The following MOB1B variants were observed in gnomAD, a reference collection of about 807,000 sequenced individuals.
MOB1B encodes MOB kinase activator 1B.
A neutral mutation model predicts 24.4 loss-of-function variants in MOB1B; 19 were observed. The ratio of observed to expected loss-of-function variants is 0.78; its 90% CI spans 0.54 to 1.14. The LOEUF (loss-of-function observed/expected upper bound fraction) is 1.14, where lower values mean the gene tolerates loss of function less well. Among genes scored for constraint, MOB1B ranks in the 50% most tolerant of loss-of-function variants. MOB1B has a pLI of 0.00. For missense variants in MOB1B, 243 were observed against 259.6 expected (o/e 0.94, Z 0.44); for synonymous variants, 76 against 82.1 (o/e 0.93, Z 0.40).
intron 1 of MOB1B, among the ~76,000 whole-genome samples, chr4:70,920,306 A>G (rs1005500569): frequency 5.3e-5 from 8 of 151,540 alleles, no homozygotes; most frequent in African/African-American, 1.9e-4. Flanking sequence ...CGCTCACTGC[A>G]CCTCTGCCTC....
intron 5 of MOB1B, among the ~76,000 whole-genome samples, chr4:70,980,794 C>A (rs1739182249): frequency 6.6e-6 from 1 of 152,102 alleles, no homozygotes; most frequent in African/African-American, 2.4e-5. Flanking sequence ...GAGGGCGGGT[C>A]CCGTCTCTGA....
rs192335628 is a variant in MOB1B at position 70,935,636 on chromosome 4, T to G, written c.15-23238T>G. Among the ~76,000 whole-genome samples the G allele has an allele frequency of 5.3e-5, 8 of 152,170 alleles. No homozygotes were observed. In the East Asian group the frequency reaches 1.5e-3, roughly 29 times the overall value. ...ATTTTCCTTTTCTCTCACTTTAGTC[T>G]TTGCTAAGTTAACCATTATACTCTT... On this transcript the variant is annotated intron_variant, in intron 1 of 5. Transcript: ENST00000309395.
chr4:70,968,717 C>T (rs540612873), intron 2 of MOB1B, among the ~76,000 whole-genome samples: 6 of 152,296 alleles, frequency 3.9e-5, no homozygotes, highest in Non-Finnish European at 7.4e-5. Flanking sequence ...TGGGGTCAAG[C>T]AGTTCTCCTG....
chr4:70,938,309 T>G (rs796071077), intron 1 of MOB1B, among the ~76,000 whole-genome samples: 1 of 48,996 alleles, frequency 2.0e-5, no homozygotes, highest in African/African-American at 9.2e-5. Context: ...TGGTCAGATT[T>G]GCCGCCCCCG....
At chr4:70,916,568 G>C (rs1443519978) in intron 1 of MOB1B, among the ~76,000 whole-genome samples, 1 of 152,026 alleles carries the variant, frequency 6.6e-6, no homozygotes, top group Non-Finnish European at 1.5e-5. Flanking sequence ...CCCTGCCACT[G>C]AATATCTTTT....
chr4:70,955,464 C>CTTTT (rs36054184), intron 1 of MOB1B, among the ~76,000 whole-genome samples: 5 of 89,322 alleles, frequency 5.6e-5, no homozygotes, highest in East Asian at 3.1e-4. Flanking sequence ...AGTATGTGTC[C>CTTTT]TTTTTTTTTT....
chr4:70,928,415 C>T lies in MOB1B; in HGVS notation c.14+25865C>T, dbSNP rs566237731. On this transcript the variant is annotated intron_variant, in intron 1 of 5. Transcript: ENST00000309395. ...GGTTCAAGCGATTCTCCTGCTTCAG[C>T]CTCTTGAGTAGCTGGGATTACAGGC... Among the ~76,000 whole-genome samples, 35 of 151,928 alleles carry T rather than the reference C, an allele frequency of 2.3e-4. 1 individual carries two copies. In the Middle Eastern group the frequency reaches 0.014, roughly 59 times the overall value.
chr4:70,965,296 CAAAAAAA>C (rs1175536577), intron 2 of MOB1B, among the ~76,000 whole-genome samples: 2 of 36,218 alleles, frequency 5.5e-5, no homozygotes, highest in African/African-American at 8.6e-5. Flanking sequence ...GACTTCATCT[CAAAAAAA>C]AAAAAAAAAA....
rs140303472 is a variant in MOB1B at position 70,941,671 on chromosome 4, G to T, written c.15-17203G>T. On this transcript the variant is annotated intron_variant, in intron 1 of 5. Coordinates refer to ENST00000309395, the MANE Select transcript of MOB1B (RefSeq NM_173468.4). Reference sequence around the variant, plus strand: ...ATTTCTTCCTTCTTTCCCTTACTCTGTTCCATCCTTCCTTGTGACATTTCT... The same window carrying T: ...ATTTCTTCCTTCTTTCCCTTACTCTTTTCCATCCTTCCTTGTGACATTTCT... Among the ~76,000 whole-genome samples the T allele has an allele frequency of 8.5e-4, 130 of 152,206 alleles. 1 individual carries two copies. The East Asian group carries it at 0.023, about 27-fold the overall frequency.
intron 2 of MOB1B, among the ~76,000 whole-genome samples, chr4:70,965,403 A>G (rs896744998): frequency 2.0e-5 from 3 of 149,904 alleles, no homozygotes; most frequent in South Asian, 4.1e-4. Context: ...TAAAAATAAT[A>G]TTAATTTAAA....
chr4:70,912,822 C>T (rs1736047324), intron 1 of MOB1B, among the ~76,000 whole-genome samples: 1 of 152,096 alleles, frequency 6.6e-6, no homozygotes, highest in South Asian at 2.1e-4. Flanking sequence ...GTGCAGTGGC[C>T]CGATCTCGAC....
intron 2 of MOB1B, among the ~76,000 whole-genome samples, chr4:70,966,137 T>C (rs1043350902): frequency 4.6e-5 from 7 of 152,206 alleles, no homozygotes; most frequent in African/African-American, 9.6e-5. Flanking sequence ...GAAATGAACA[T>C]AGATGTAAAA....
chr4:70,985,114 AT>A lies in MOB1B; in HGVS notation c.*3059del, dbSNP rs1739338688. On this transcript the variant is annotated 3_prime_UTR_variant, in exon 6 of 6. Transcript: ENST00000309395. ...ATAGAGATGATGTGGATATTTATAT[AT>A]TACATATATAACCACCAGACTCCAT... 2 of 152,204 alleles carry A rather than the reference AT, an allele frequency of 1.3e-5. No individual in the cohort carries two copies. Among genetic ancestry groups the A allele is most frequent in the African/African-American group, 4.8e-5 (2 of 41,448 alleles). The allele number at this position is 152,204 out of a possible 1,614,324, so 9.4% of individuals were successfully genotyped here.
chr4:70,903,474 A>G (rs574340036), intron 1 of MOB1B, among the ~76,000 whole-genome samples: 2 of 152,312 alleles, frequency 1.3e-5, no homozygotes, highest in Admixed American at 6.5e-5. Flanking sequence ...CTCTGAAAAC[A>G]GGGGTTACAG....
rs1737482999 is a variant in MOB1B at position 70,944,340 on chromosome 4, T to TA, written c.15-14533dup. 2.6e-5 allele frequency among the ~76,000 whole-genome samples: 4 copies of TA among 152,330 alleles called. No individual in the cohort carries two copies. In the South Asian group the frequency reaches 6.2e-4, roughly 24 times the overall value. On this transcript the variant is annotated intron_variant, in intron 1 of 5. Transcript: ENST00000309395. ...GTGAGCCGCTGCACCCGGCCTCTAATACTTTTTTATTTAGATTTTTTTGAC... is the reference window on the plus strand; with the variant it reads ...GTGAGCCGCTGCACCCGGCCTCTAATAACTTTTTTATTTAGATTTTTTTGAC...
At chr4:70,915,070 C>T (rs1736146025) in intron 1 of MOB1B, among the ~76,000 whole-genome samples, 1 of 152,102 alleles carries the variant, frequency 6.6e-6, no homozygotes, top group Non-Finnish European at 1.5e-5. Context: ...AGTGATACTT[C>T]GGTTATTATC....
chr4:70,927,010 A>AT (rs1250466055), intron 1 of MOB1B, among the ~76,000 whole-genome samples: 3 of 150,984 alleles, frequency 2.0e-5, no homozygotes, highest in Non-Finnish European at 3.0e-5. Context: ...AAAGAAAAAA[A>AT]AAAAAAGAAA....
intron 1 of MOB1B, chr4:70,942,831 T>C: frequency 1.1e-6 from 1 of 931,740 alleles, no homozygotes. Flanking sequence ...AGAGAGAAGG[T>C]TCATATTGTC....
intron 2 of MOB1B, among the ~76,000 whole-genome samples, chr4:70,961,442 T>G (rs747009900): frequency 2.0e-5 from 3 of 152,198 alleles, no homozygotes; most frequent in Admixed American, 6.5e-5. Flanking sequence ...TATATATTGT[T>G]TATTTCTGAA....
Sources: gnomAD v4.1 joint callset for allele counts (sites outside exome capture counted in the v4.1 genomes callset) on GRCh38, gnomAD v4.1.1 for gene constraint, MANE v1.5 for transcripts, NCBI Gene and HGNC (gene_info 2026-07-23, HGNC 2026-07-21) for gene names.